LAMC2: variants seen among roughly 807,000 people sequenced by gnomAD.
LAMC2 encodes laminin subunit gamma 2, also known as laminin subunit gamma-2.
In LAMC2, 97 loss-of-function variants were observed where a neutral mutation model predicts 140.2. The observed-to-expected ratio is 0.69, with a 90% CI of 0.59 to 0.82. The LOEUF (loss-of-function observed/expected upper bound fraction) is 0.82, where lower values mean the gene tolerates loss of function less well. LAMC2 is among the 40% of genes least tolerant of loss of function. The pLI, the probability that LAMC2 is intolerant of heterozygous loss-of-function variation, is 0.00. For missense variants in LAMC2, 1,402 were observed against 1,476.1 expected, an observed-to-expected ratio of 0.95 and a Z score of 0.82; for synonymous variants, 513 against 540.2, an observed-to-expected ratio of 0.95 and a Z score of 0.70.
intron 1 of LAMC2, among the ~76,000 whole-genome samples, chr1:183,194,372 G>A (rs1322523393): frequency 6.6e-6 from 1 of 151,942 alleles, no homozygotes; most frequent in African/African-American, 2.4e-5. Context: ...ACTATATAAT[G>A]GTATGTAAGC....
At chr1:183,246,738 G>A (rs2102262212), downstream of LAMC2, among the ~76,000 whole-genome samples, 1 of 152,350 alleles carries the variant, frequency 6.6e-6, no homozygotes, top group African/African-American at 2.4e-5. Context: ...CAAGGACCAG[G>A]AATGTGTTTA....
the LAMC2 span, among the ~76,000 whole-genome samples, chr1:183,253,667 T>G: frequency 6.6e-6 from 1 of 152,178 alleles, no homozygotes; most frequent in African/African-American, 2.4e-5. Context: ...TTCCTACATA[T>G]TTGCTGCTTT....
At position 183,223,287 on chromosome 1, in the gene LAMC2, A is replaced by T. The variant is rs998058575; in HGVS notation, c.916A>T (p.Thr306Ser). The T allele has an allele frequency of 6.2e-7, 1 of 1,614,244 alleles. No homozygotes were observed. The highest frequency in any genetic ancestry group is 8.5e-7 in the Non-Finnish European group (1 of 1,180,046). The change falls in exon 7 of 23, where the codon ACA becomes TCA. Residue 306 changes from threonine to serine, a missense_variant. Physicochemically the swap from Thr to Ser is moderately conservative, Grantham distance 58 (BLOSUM62 1). This residue lies in a region of LAMC2 where 723 missense variants were observed against 783.3 expected (regional missense o/e 0.92). Transcript: ENST00000264144. ...ITAPLMPLGKTLPCGLTKTYT... is the reference protein window; with the variant it reads ...ITAPLMPLGKSLPCGLTKTYT... ...AGCTCCCTTGATGCCACTTGGCAAGACACTGCCTTGTGGGCTCACCAAGAC... is the reference window on the plus strand; with the variant it reads ...AGCTCCCTTGATGCCACTTGGCAAGTCACTGCCTTGTGGGCTCACCAAGAC...
rs1010989464 is a variant in LAMC2 at position 183,232,676 on chromosome 1, A to G, written c.2039A>G (p.Gln680Arg). The change falls in exon 14 of 23, where the codon CAG becomes CGG. Residue 680 changes from glutamine to arginine, a missense_variant. By Grantham distance (43) the Gln-to-Arg change is conservative (BLOSUM62 1). Around this residue, in one of 3 missense-constraint regions of LAMC2, gnomAD observed 670 missense variants for 667.2 expected, o/e 1.00. Coordinates refer to ENST00000264144, the MANE Select transcript of LAMC2 (RefSeq NM_005562.3). ...SEGASRSLGL[Q>R]LAKVRSQENS... is the part of the protein sequence containing the mutation. ...GGTGCTAGCAGATCCCTTGGTCTCCAGTTGGCCAAGGTGAGGAGCCAAGAG... is the reference window on the plus strand; with the variant it reads ...GGTGCTAGCAGATCCCTTGGTCTCCGGTTGGCCAAGGTGAGGAGCCAAGAG... 1 of 1,613,110 alleles carries G rather than the reference A, an allele frequency of 6.2e-7. No homozygotes were observed. The highest frequency in any genetic ancestry group is 1.3e-5 in the African/African-American group (1 of 74,876).
the LAMC2 span, among the ~76,000 whole-genome samples, chr1:183,255,585 CA>C: frequency 6.6e-6 from 1 of 150,862 alleles, no homozygotes; most frequent in African/African-American, 2.4e-5. Context: ...GTGTTGTCTT[CA>C]ATTTCTTTTG....
intron 1 of LAMC2, among the ~76,000 whole-genome samples, chr1:183,189,671 G>A (rs567169769): frequency 2.6e-5 from 4 of 152,304 alleles, no homozygotes; most frequent in East Asian, 1.9e-4. Context: ...ATAGAGGAAC[G>A]ATGGAGCAGA....
Position 183,220,980 on chromosome 1 carries a change from T to C in LAMC2, c.640+19T>C. The C allele has an allele frequency of 6.2e-7, 1 of 1,613,080 alleles. No individual in the cohort carries two copies. The highest frequency in any genetic ancestry group is 2.2e-5 in the East Asian group (1 of 44,868). Reference sequence around the variant, plus strand: ...CATCAAGGTAAAGCCTTCTATTTTCTAGGTTTTAGTTTTTTAATGTTGTAC... The same window carrying C: ...CATCAAGGTAAAGCCTTCTATTTTCCAGGTTTTAGTTTTTTAATGTTGTAC... On this transcript the variant is annotated intron_variant, in intron 5 of 22. Transcript: ENST00000264144.
chr1:183,192,292 A>G (rs1658363336), intron 1 of LAMC2, among the ~76,000 whole-genome samples: 1 of 152,110 alleles, frequency 6.6e-6, no homozygotes, highest in Non-Finnish European at 1.5e-5. Flanking sequence ...GGGGATATGT[A>G]TCTCCGCATT....
At position 183,236,551 on chromosome 1, in the gene LAMC2, C is replaced by T. The variant is rs760616493; in HGVS notation, c.2548C>T (p.Arg850Cys). 38 of 1,614,116 alleles carry T rather than the reference C, an allele frequency of 2.4e-5. No individual in the cohort carries two copies. The East Asian group carries it at 4.7e-4, about 20-fold the overall frequency. The change falls in exon 17 of 23, where the codon CGC (arginine) becomes TGC (cysteine). Residue 850 changes from arginine (R) to cysteine (C), a missense_variant. Transcript: ENST00000264144. ...AGATAGGTCTTATCAGCACAGTCTC[C>T]GCCTCCTGGATTCAGTGTCTCGGCT... ...EADRSYQHSL[R>C]LLDSVSRLQG... is the part of the protein sequence containing the mutation.
chr1:183,239,453 A>T lies in LAMC2; in HGVS notation c.2959A>T (p.Ser987Cys), dbSNP rs1386326633. 6.2e-7 allele frequency: 1 copy of T among 1,614,048 alleles called. No individual in the cohort carries two copies. The highest frequency in any genetic ancestry group is 1.3e-5 in the African/African-American group (1 of 74,926). Reference protein sequence around the residue: ...SYISQKVSDASDKTQQAERAL... With the variant: ...SYISQKVSDACDKTQQAERAL... ...CATCAGCCAGAAGGTTTCAGATGCC[A>T]GTGACAAGACCCAGCAAGCAGAAAG... is the stretch of plus-strand genomic sequence containing the variant. Residue 987 changes from serine (S) to cysteine (C), a missense_variant, in exon 20 of 23, where the codon AGT (serine) becomes TGT (cysteine). This residue lies in a region of LAMC2 where 670 missense variants were observed against 667.2 expected (regional missense o/e 1.00). Transcript: ENST00000264144.
rs535564936 is a variant in LAMC2 at position 183,233,378 on chromosome 1, G to GA, written c.2220+528dup. On this transcript the variant is annotated intron_variant, in intron 14 of 22. Transcript: ENST00000264144. Reference sequence around the variant, plus strand: ...AAGGAAGACATGGTTTTGAAAATGGGAAAAAAATGCTGCCAGTATGATTTT... The same window carrying GA: ...AAGGAAGACATGGTTTTGAAAATGGGAAAAAAAATGCTGCCAGTATGATTTT... Among the ~76,000 whole-genome samples, 27 of 152,154 alleles carry GA rather than the reference G, an allele frequency of 1.8e-4. No homozygotes were observed. In the South Asian group the frequency reaches 3.5e-3, roughly 20 times the overall value.
At chr1:183,210,973 C>G (rs184032694) in intron 2 of LAMC2, among the ~76,000 whole-genome samples, 5 of 152,338 alleles carry the variant, frequency 3.3e-5, no homozygotes, top group Admixed American at 3.3e-4. Flanking sequence ...ATATTTTTCA[C>G]TTTCAGATAA....
rs758877404 is a variant in LAMC2, at chr1:183,227,649, C to T, written c.1420C>T (p.Pro474Ser). 2 of 1,614,052 alleles carry T rather than the reference C, an allele frequency of 1.2e-6. No homozygotes were observed. Among genetic ancestry groups the T allele is most frequent in the Non-Finnish European group, 1.7e-6 (2 of 1,180,044 alleles). The part of the protein sequence containing the change: ...CHNGFSCSVM[P>S]ETEEVVCNNC... ...TAACGGGTTCAGCTGCTCAGTGATG[C>T]CGGAGACGGAGGAGGTGGTGTGCAA... The change falls in exon 10 of 23, where the codon CCG (proline) becomes TCG (serine). Residue 474 changes from proline (P) to serine (S), a missense_variant. Transcript: ENST00000264144.
the LAMC2 span, chr1:183,251,912 C>T: frequency 5.6e-3 from 888 of 157,436 alleles, 5 homozygotes; most frequent in Non-Finnish European, 7.5e-3. Context: ...TGTGCGTGCG[C>T]GGGTGCACAC....
Position 183,238,313 on chromosome 1 carries a change from G to T in LAMC2, c.2761G>T (p.Asp921Tyr), listed in dbSNP as rs759111177. 39 of 1,613,384 alleles carry T rather than the reference G, an allele frequency of 2.4e-5. No individual in the cohort carries two copies. The highest frequency in any genetic ancestry group is 3.3e-5 in the Non-Finnish European group (39 of 1,179,478). Residue 921 changes from aspartate (D) to tyrosine (Y), a missense_variant, in exon 19 of 23, where the codon GAT (aspartate) becomes TAT (tyrosine). Physicochemically the swap from Asp to Tyr is radical, Grantham distance 160. This residue lies in a region of LAMC2 where 670 missense variants were observed against 667.2 expected (regional missense o/e 1.00). Transcript: ENST00000264144. ...QNGKSGREKSDQLLSRANLAK... is the reference protein window; with the variant it reads ...QNGKSGREKSYQLLSRANLAK... The stretch of plus-strand genomic sequence containing the variant: ...TCTATCTGCCTTTTTACAGAAATCA[G>T]ATCAGCTGCTTTCCCGTGCCAATCT...
intron 1 of LAMC2, among the ~76,000 whole-genome samples, chr1:183,193,702 G>A (rs1395208972): frequency 6.6e-6 from 1 of 152,218 alleles, no homozygotes; most frequent in African/African-American, 2.4e-5. Context: ...CATGGTAGGA[G>A]GGGATCTTCA....
At position 183,235,636 on chromosome 1, in the gene LAMC2, C is replaced by A; in HGVS notation, c.2362C>A (p.Gln788Lys). The A allele has an allele frequency of 6.2e-7, 1 of 1,614,218 alleles. No individual in the cohort carries two copies. The highest frequency in any genetic ancestry group is 8.5e-7 in the Non-Finnish European group (1 of 1,180,028). ...AAGGGAAACTGAGGACTATTCCAAACAAGCCCTCTCACTGGTGCGCAAGGC... is the reference window on the plus strand; with the variant it reads ...AAGGGAAACTGAGGACTATTCCAAAAAAGCCCTCTCACTGGTGCGCAAGGC... ...LTRETEDYSKQALSLVRKALH... is the reference protein window; with the variant it reads ...LTRETEDYSKKALSLVRKALH... Residue 788 changes from glutamine (Q) to lysine (K), a missense_variant, in exon 16 of 23, where the codon CAA becomes AAA. Around this residue, in one of 3 missense-constraint regions of LAMC2, gnomAD observed 670 missense variants for 667.2 expected, o/e 1.00. Transcript: ENST00000264144.
intron 1 of LAMC2, among the ~76,000 whole-genome samples, chr1:183,207,578 A>AT (rs952761046): frequency 6.6e-6 from 1 of 152,172 alleles, no homozygotes; most frequent in African/African-American, 2.4e-5. Context: ...CCGCATAAAA[A>AT]TGTAATTTAA....
intron 7 of LAMC2, among the ~76,000 whole-genome samples, chr1:183,225,101 G>A (rs1395317690): frequency 6.6e-6 from 1 of 152,182 alleles, no homozygotes. Flanking sequence ...ACAGGGGCTG[G>A]TGATATGTTA....
Sources: gnomAD v4.1 joint callset for allele counts (sites outside exome capture counted in the v4.1 genomes callset) on GRCh38, gnomAD v4.1.1 for gene constraint, gnomAD v4.1.1 regional missense constraint, MANE v1.5 for transcripts, NCBI Gene and HGNC (gene_info 2026-07-23, HGNC 2026-07-21) for gene names.